CSMD1: variants seen among roughly 807,000 people sequenced by gnomAD.
CSMD1 encodes the protein CUB and sushi domain-containing protein 1.
A neutral mutation model predicts 417.5 loss-of-function variants in CSMD1; 213 were observed. That is an observed-to-expected ratio of 0.51 (90% CI 0.46 to 0.57). The LOEUF (loss-of-function observed/expected upper bound fraction) is 0.57, where lower values mean the gene tolerates loss of function less well. CSMD1 is among the 20% of genes least tolerant of loss of function. The pLI, the probability that CSMD1 is intolerant of heterozygous loss-of-function variation, is 0.00. For missense variants in CSMD1, 6,923 were observed against 4,529.7 expected (o/e 1.53, Z -15.17); for synonymous variants, 2,862 against 1,736.8 (o/e 1.65, Z -16.11).
intron 10 of CSMD1, among the ~76,000 whole-genome samples, chr8:3,517,665 C>T (rs914034652): frequency 7.9e-5 from 12 of 152,090 alleles, no homozygotes; most frequent in Non-Finnish European, 1.8e-4. Flanking sequence ...TTTGGTCTAG[C>T]TAACACAATT....
intron 2 of CSMD1, among the ~76,000 whole-genome samples, chr8:4,630,659 T>G (rs1802456175): frequency 1.3e-5 from 2 of 152,300 alleles, no homozygotes; most frequent in Admixed American, 6.5e-5. Flanking sequence ...ATCACCTAAT[T>G]ATGGGAACAT....
At chr8:4,014,433 T>C (rs1788807299) in intron 4 of CSMD1, among the ~76,000 whole-genome samples, 1 of 152,196 alleles carries the variant, frequency 6.6e-6, no homozygotes, top group African/African-American at 2.4e-5. Context: ...AGAATATAAA[T>C]GTTCTCTGTT....
chr8:4,008,116 A>G (rs1415076125), intron 4 of CSMD1, among the ~76,000 whole-genome samples: 1 of 152,214 alleles, frequency 6.6e-6, no homozygotes, highest in Non-Finnish European at 1.5e-5. Flanking sequence ...TGCATGAAAT[A>G]AAGTCAAGGC....
At chr8:3,522,749 A>G (rs1438487618) in intron 10 of CSMD1, among the ~76,000 whole-genome samples, 1 of 152,070 alleles carries the variant, frequency 6.6e-6, no homozygotes, top group African/African-American at 2.4e-5. Context: ...TTCGGGAACT[A>G]CAAAGTGCTC....
At chr8:3,511,802 C>G (rs1236506472) in intron 10 of CSMD1, among the ~76,000 whole-genome samples, 1 of 149,320 alleles carries the variant, frequency 6.7e-6, no homozygotes, top group African/African-American at 2.5e-5. Flanking sequence ...CATAACATAA[C>G]ATAACATAAC....
rs146154640 is a variant in CSMD1, at chr8:3,899,801, G to A, written c.818+98102C>T. 6.6e-5 allele frequency among the ~76,000 whole-genome samples: 10 copies of A among 152,276 alleles called. No homozygotes were observed. In the East Asian group the frequency reaches 1.2e-3, roughly 18 times the overall value. ...TTTGACCTGACTGGAAGGTGACAGT[G>A]GATAGCACCCTTCAGTATGACCCTA... On this transcript the variant is annotated intron_variant, in intron 5 of 69. Transcript: ENST00000635120.
At chr8:4,523,262 C>G (rs1803575428) in intron 2 of CSMD1, among the ~76,000 whole-genome samples, 1 of 152,164 alleles carries the variant, frequency 6.6e-6, no homozygotes, top group South Asian at 2.1e-4. Flanking sequence ...GATTGACCCT[C>G]AAATCATTTG....
intron 3 of CSMD1, among the ~76,000 whole-genome samples, chr8:4,052,747 A>G (rs550145899): frequency 6.6e-6 from 1 of 150,940 alleles, no homozygotes; most frequent in Admixed American, 6.6e-5. Flanking sequence ...ATAAAAGAAC[A>G]AGTTTTAAAA....
intron 3 of CSMD1, among the ~76,000 whole-genome samples, chr8:4,401,743 C>G (rs1438314620): frequency 6.6e-6 from 1 of 152,144 alleles, no homozygotes; most frequent in Non-Finnish European, 1.5e-5. Context: ...CCACCTGAAG[C>G]TGGCGTCCCC....
At chr8:4,897,013 C>G (rs917850122) in intron 1 of CSMD1, among the ~76,000 whole-genome samples, 3 of 152,114 alleles carry the variant, frequency 2.0e-5, no homozygotes, top group Non-Finnish European at 4.4e-5. Flanking sequence ...ACTGACTTCT[C>G]TTTTCCCATG....
chr8:4,336,179 T>C (rs1800158829), intron 3 of CSMD1, among the ~76,000 whole-genome samples: 1 of 152,142 alleles, frequency 6.6e-6, no homozygotes, highest in Admixed American at 6.6e-5. Flanking sequence ...TGGTTTGCGG[T>C]CAGCGCTGGT....
At chr8:4,396,113 T>A (rs1804189812) in intron 3 of CSMD1, among the ~76,000 whole-genome samples, 1 of 150,692 alleles carries the variant, frequency 6.6e-6, no homozygotes, top group Non-Finnish European at 1.5e-5. Flanking sequence ...TATTTTTAAG[T>A]TTTACTACTG....
chr8:4,631,845 G>A (rs1802537126), intron 2 of CSMD1, among the ~76,000 whole-genome samples: 1 of 152,142 alleles, frequency 6.6e-6, no homozygotes, highest in Non-Finnish European at 1.5e-5. Context: ...CGAGATAAAT[G>A]CCAAAGCTAT....
At chr8:3,641,386 G>A (rs1026645134) in intron 7 of CSMD1, among the ~76,000 whole-genome samples, 8 of 152,098 alleles carry the variant, frequency 5.3e-5, no homozygotes, top group African/African-American at 1.9e-4. Context: ...ACGTCAGACT[G>A]AGCAGATCTT....
intron 2 of CSMD1, among the ~76,000 whole-genome samples, chr8:4,579,488 A>T (rs1799312116): frequency 6.6e-6 from 1 of 151,718 alleles, no homozygotes; most frequent in Non-Finnish European, 1.5e-5. Flanking sequence ...TTAGCCTCTT[A>T]AGTAGCTGGG....
At chr8:4,636,771 G>A (rs1802835680) in intron 2 of CSMD1, among the ~76,000 whole-genome samples, 1 of 152,186 alleles carries the variant, frequency 6.6e-6, no homozygotes, top group Non-Finnish European at 1.5e-5. Flanking sequence ...CAAGTTTTCT[G>A]TATAGTAACT....
At chr8:4,406,742 G>A (rs1805053356) in intron 3 of CSMD1, among the ~76,000 whole-genome samples, 1 of 152,268 alleles carries the variant, frequency 6.6e-6, no homozygotes, top group South Asian at 2.1e-4. Flanking sequence ...AGAATGTATT[G>A]TTTGCCAACA....
Position 3,565,916 on chromosome 8 carries a change from T to G in CSMD1, c.1344+9029A>C, listed in dbSNP as rs184612298. ...AGGCTCTAGATTTTCCTGCTTCCAG[T>G]TTTGTGCCATCCGTGATGCGGACCA... On this transcript the variant is annotated intron_variant, in intron 10 of 69. Coordinates refer to ENST00000635120, the MANE Select transcript of CSMD1 (RefSeq NM_033225.6). 5.6e-3 allele frequency among the ~76,000 whole-genome samples: 847 copies of G among 152,300 alleles called. 4 individuals are homozygous for G. The highest frequency in any genetic ancestry group is 8.0e-3 in the Non-Finnish European group (546 of 68,030).
At chr8:4,366,593 G>A (rs571816927) in intron 3 of CSMD1, among the ~76,000 whole-genome samples, 1 of 151,488 alleles carries the variant, frequency 6.6e-6, no homozygotes, top group Non-Finnish European at 1.5e-5. Flanking sequence ...AGCATCTGTT[G>A]TTTTTTTTGC....
Sources: gnomAD v4.1 joint callset for allele counts (sites outside exome capture counted in the v4.1 genomes callset) on GRCh38, gnomAD v4.1.1 for gene constraint, MANE v1.5 for transcripts, NCBI Gene and HGNC (gene_info 2026-07-23, HGNC 2026-07-21) for gene names.